Variants in FAF2 observed in about 807,000 individuals in gnomAD.
FAF2 encodes Fas associated factor family member 2, also known as FAS-associated factor 2.
A neutral mutation model predicts 62.3 loss-of-function variants in FAF2; 9 were observed. That is an observed-to-expected ratio of 0.14 (90% CI 0.09 to 0.25). The LOEUF (loss-of-function observed/expected upper bound fraction) is 0.25, where lower values mean the gene tolerates loss of function less well. Among genes scored for constraint, FAF2 ranks in the 10% least tolerant of loss-of-function variants. FAF2 has a pLI of 1.00. For missense variants in FAF2, 368 were observed against 556.2 expected, an observed-to-expected ratio of 0.66 and a Z score of 3.40; for synonymous variants, 202 against 198.0, an observed-to-expected ratio of 1.02 and a Z score of -0.17.
chr5:176,471,290 G>A (rs899893230), intron 1 of FAF2, among the ~76,000 whole-genome samples: 3 of 151,550 alleles, frequency 2.0e-5, no homozygotes, highest in Admixed American at 6.6e-5. Flanking sequence ...ACTTTAAAAT[G>A]TGCATATGAT....
intron 2 of FAF2, among the ~76,000 whole-genome samples, chr5:176,482,689 T>A (rs1758803162): frequency 6.6e-6 from 1 of 152,214 alleles, no homozygotes; most frequent in Non-Finnish European, 1.5e-5. Flanking sequence ...TTTATTTTTT[T>A]ATTTTTTGTA....
intron 10 of FAF2, among the ~76,000 whole-genome samples, 156 bp from the exon 11 acceptor site, chr5:176,506,612 G>A (rs533642536): frequency 1.3e-5 from 2 of 152,258 alleles, no homozygotes; most frequent in East Asian, 1.9e-4. Context: ...GAAATGAAAA[G>A]ATTAGAATTC....
intron 10 of FAF2, among the ~76,000 whole-genome samples, chr5:176,504,138 A>G (rs946825224): frequency 2.0e-5 from 3 of 151,754 alleles, no homozygotes; most frequent in Non-Finnish European, 2.9e-5. Flanking sequence ...CCAAGTTTGT[A>G]CAAGTGTTAG....
intron 1 of FAF2, among the ~76,000 whole-genome samples, chr5:176,476,966 T>C (rs948637739): frequency 5.3e-5 from 8 of 151,716 alleles, no homozygotes; most frequent in Non-Finnish European, 8.8e-5. Flanking sequence ...CCCACCACCA[T>C]GCCCGGCTAA....
chr5:176,503,357 G>A (rs1755625786), intron 10 of FAF2, among the ~76,000 whole-genome samples: 1 of 151,616 alleles, frequency 6.6e-6, no homozygotes, highest in Non-Finnish European at 1.5e-5. Context: ...GAGTTTGAGA[G>A]CAGCCTGGCC....
intron 1 of FAF2, among the ~76,000 whole-genome samples, chr5:176,475,364 T>C (rs966094696): frequency 1.3e-5 from 2 of 152,114 alleles, no homozygotes; most frequent in East Asian, 3.9e-4. Flanking sequence ...ACTCCTGGGC[T>C]GAAGTGATCC....
intron 8 of FAF2, 38 bp downstream of exon 8, chr5:176,496,701 G>T (rs1424378501): frequency 6.9e-7 from 1 of 1,446,708 alleles, no homozygotes; most frequent in Non-Finnish European, 9.2e-7. Flanking sequence ...AGAGAGACCA[G>T]TTGTAAATTT....
intron 1 of FAF2, among the ~76,000 whole-genome samples, chr5:176,450,774 C>G (rs965315793): frequency 7.2e-5 from 11 of 152,088 alleles, no homozygotes; most frequent in Admixed American, 6.6e-4. Flanking sequence ...AGGATGGTCT[C>G]GATTTCTTGA....
chr5:176,465,812 G>T (rs759555583), intron 1 of FAF2, among the ~76,000 whole-genome samples: 15 of 152,134 alleles, frequency 9.9e-5, no homozygotes, highest in African/African-American at 3.6e-4. Flanking sequence ...AACCGAGATC[G>T]TGCCACTGCA....
intron 3 of FAF2, among the ~76,000 whole-genome samples, chr5:176,486,950 C>T (rs1422980716): frequency 2.0e-5 from 3 of 152,196 alleles, no homozygotes; most frequent in African/African-American, 7.2e-5. Context: ...AATAAAGAGC[C>T]AGTCTTCCCA....
chr5:176,498,887 C>T (rs774693898), intron 8 of FAF2, 27 bp from the exon 9 acceptor site: 1 of 1,513,390 alleles, frequency 6.6e-7, no homozygotes, highest in South Asian at 1.3e-5. Flanking sequence ...TGCTGTTTTT[C>T]TTCTCTTGCT....
rs1758208935 is a variant in FAF2 at position 176,452,688 on chromosome 5, T to G, written c.63+4218T>G. ...TGGGAAAGTGAAGTGTCTGTGGTGA[T>G]GAACTGAAGAGTATTGAAAGTGGAC... On this transcript the variant is annotated intron_variant, in intron 1 of 10. Coordinates refer to ENST00000261942, the MANE Select transcript of FAF2 (RefSeq NM_014613.3). 2.6e-5 allele frequency among the ~76,000 whole-genome samples: 4 copies of G among 152,244 alleles called. No individual in the cohort carries two copies. In the South Asian group the frequency reaches 8.3e-4, roughly 32 times the overall value.
At chr5:176,503,390 A>C (rs1313490050) in intron 10 of FAF2, among the ~76,000 whole-genome samples, 1 of 152,050 alleles carries the variant, frequency 6.6e-6, no homozygotes, top group Non-Finnish European at 1.5e-5. Context: ...CCCCATCTCT[A>C]CTAAAAATAC....
At chr5:176,490,998 A>G (rs4868640) in intron 4 of FAF2, among the ~76,000 whole-genome samples, 26,536 of 152,112 alleles carry the variant, frequency 0.17, 2,375 homozygotes, top group African/African-American at 0.18. Flanking sequence ...GTTGTTGTCA[A>G]TGAATTTGGT....
At chr5:176,501,334 C>G (rs566637362) in intron 10 of FAF2, among the ~76,000 whole-genome samples, 2 of 152,204 alleles carry the variant, frequency 1.3e-5, no homozygotes, top group African/African-American at 4.8e-5. Context: ...TTTCCCTGAT[C>G]GCTCAGAATA....
intron 2 of FAF2, among the ~76,000 whole-genome samples, chr5:176,483,981 G>A (rs569429571): frequency 3.3e-5 from 5 of 152,162 alleles, no homozygotes; most frequent in Admixed American, 3.3e-4. Flanking sequence ...GGATGAGGTG[G>A]GAGAATTGCT....
At chr5:176,490,297 T>G (rs1581071360) in intron 4 of FAF2, among the ~76,000 whole-genome samples, 1 of 135,440 alleles carries the variant, frequency 7.4e-6, no homozygotes, top group African/African-American at 2.8e-5. Flanking sequence ...GGTGAGAGAG[T>G]GGGACTCCGT....
rs772364209 is a variant in FAF2, at chr5:176,499,009, G to A, written c.935G>A (p.Arg312Gln). 159 of 1,613,498 alleles carry A rather than the reference G, an allele frequency of 9.9e-5. 4 individuals are homozygous for A. The South Asian group carries it at 1.4e-3, about 15-fold the overall frequency. The change falls in exon 9 of 11, where the codon CGG becomes CAG. Residue 312 changes from arginine to glutamine, a missense_variant. By Grantham distance (43) the Arg-to-Gln change is conservative. Coordinates refer to ENST00000261942, the MANE Select transcript of FAF2 (RefSeq NM_014613.3). ...GACCAGGAGAAAGAAAGAAAGAAAC[G>A]GGAGGAGCGGGAGCGTAAGCGGCGG... ...RADQEKERKK[R>Q]EERERKRRKE...
chr5:176,503,949 G>T (rs1478922016), intron 10 of FAF2, among the ~76,000 whole-genome samples: 1 of 151,978 alleles, frequency 6.6e-6, no homozygotes, highest in Non-Finnish European at 1.5e-5. Flanking sequence ...ATCACTTAAG[G>T]CCAGGAGTTC....
Sources: allele counts gnomAD v4.1 joint callset (sites outside exome capture counted in the v4.1 genomes callset), GRCh38; gene constraint gnomAD v4.1.1; transcripts MANE v1.5; gene names NCBI Gene and HGNC (gene_info 2026-07-23, HGNC 2026-07-21).